Variants in FGF14 observed in about 807,000 individuals in gnomAD.
FGF14 encodes the protein fibroblast growth factor homologous factor 4.
Under a neutral mutation model 25.5 loss-of-function variants are expected in FGF14, and 5 were observed. The ratio of observed to expected loss-of-function variants is 0.20; its 90% CI spans 0.10 to 0.41. The LOEUF (loss-of-function observed/expected upper bound fraction) is 0.41, where lower values mean the gene tolerates loss of function less well. FGF14 is among the 10% of genes least tolerant of loss of function. The pLI, the probability that FGF14 is intolerant of heterozygous loss-of-function variation, is 1.00. For synonymous variants in FGF14, 138 were observed against 118.3 expected (o/e 1.17, Z -1.08); for missense variants, 222 against 320.1 (o/e 0.69, Z 2.34).
At chr13:102,278,332 A>C (rs1205556481) in intron 1 of FGF14, among the ~76,000 whole-genome samples, 2 of 152,304 alleles carry the variant, frequency 1.3e-5, no homozygotes, top group Non-Finnish European at 2.9e-5. Flanking sequence ...GTTGCCCTTC[A>C]CAGAGGAAGC....
chr13:102,020,916 C>T (rs1407768923), intron 1 of FGF14, among the ~76,000 whole-genome samples: 1 of 126,342 alleles, frequency 7.9e-6, no homozygotes, highest in Non-Finnish European at 1.6e-5. Context: ...TCGATGAACA[C>T]AGAGATAAAA....
chr13:102,059,655 G>A (rs1055704356), intron 1 of FGF14, among the ~76,000 whole-genome samples: 5 of 151,912 alleles, frequency 3.3e-5, no homozygotes, highest in African/African-American at 7.3e-5. Flanking sequence ...GTTCGAAACC[G>A]GCATGGCCAA....
chr13:101,740,838 C>T (rs375647340), intron 3 of FGF14, among the ~76,000 whole-genome samples: 2 of 151,634 alleles, frequency 1.3e-5, no homozygotes, highest in African/African-American at 4.8e-5. Context: ...TTTTTCAGTA[C>T]CAAATTACTT....
chr13:102,064,013 C>T (rs2042799310), intron 1 of FGF14, among the ~76,000 whole-genome samples: 1 of 152,024 alleles, frequency 6.6e-6, no homozygotes, highest in African/African-American at 2.4e-5. Flanking sequence ...TTTTAAAGTA[C>T]ACATTTAAAA....
chr13:101,831,272 T>C (rs190928290), intron 3 of FGF14, among the ~76,000 whole-genome samples: 5 of 150,218 alleles, frequency 3.3e-5, no homozygotes, highest in African/African-American at 1.2e-4. Context: ...ATTTATTTAT[T>C]TATTTATTTA....
chr13:101,739,582 G>T (rs1016060373), intron 3 of FGF14, among the ~76,000 whole-genome samples: 1 of 152,088 alleles, frequency 6.6e-6, no homozygotes, highest in African/African-American at 2.4e-5. Flanking sequence ...TTCCTGGAAA[G>T]GGTGATATAA....
At chr13:102,246,947 C>T (rs951965399) in intron 1 of FGF14, among the ~76,000 whole-genome samples, 1 of 151,952 alleles carries the variant, frequency 6.6e-6, no homozygotes, top group African/African-American at 2.4e-5. Context: ...ACTCCTACAA[C>T]CATCTGATCT....
chr13:101,940,495 G>C (rs7988219), intron 1 of FGF14, among the ~76,000 whole-genome samples: 36,847 of 152,130 alleles, frequency 0.24, 5,529 homozygotes, highest in Non-Finnish European at 0.33. Context: ...GCTTGTGCTC[G>C]CCTTGAGGCT....
At chr13:101,866,076 A>C (rs1018162026) in intron 3 of FGF14, among the ~76,000 whole-genome samples, 5 of 152,004 alleles carry the variant, frequency 3.3e-5, no homozygotes, top group Non-Finnish European at 7.4e-5. Context: ...AAATGTAATA[A>C]ATATAAAAAA....
At chr13:101,913,878 T>G (rs1448746398) in intron 1 of FGF14, among the ~76,000 whole-genome samples, 1 of 152,164 alleles carries the variant, frequency 6.6e-6, no homozygotes, top group Non-Finnish European at 1.5e-5. Context: ...TTATTATTTC[T>G]TATTAATTTG....
chr13:101,851,855 T>C (rs1193175211), intron 3 of FGF14, among the ~76,000 whole-genome samples: 3 of 152,116 alleles, frequency 2.0e-5, no homozygotes, highest in African/African-American at 7.2e-5. Context: ...AAATTGTTAG[T>C]TGCCTATGAA....
chr13:101,840,887 T>C, intron 3 of FGF14, among the ~76,000 whole-genome samples: 1 of 152,018 alleles, frequency 6.6e-6, no homozygotes, highest in Non-Finnish European at 1.5e-5. Context: ...TATGTCTACA[T>C]AAACTGGTAC....
At chr13:102,119,234 G>A (rs1252267109) in intron 1 of FGF14, among the ~76,000 whole-genome samples, 3 of 152,130 alleles carry the variant, frequency 2.0e-5, no homozygotes, top group African/African-American at 7.2e-5. Context: ...AAATAACACA[G>A]AGAAACAAAC....
intron 1 of FGF14, among the ~76,000 whole-genome samples, chr13:102,235,897 C>A (rs2051306760): frequency 6.6e-6 from 1 of 152,128 alleles, no homozygotes; most frequent in Admixed American, 6.5e-5. Flanking sequence ...ACCCAATAGA[C>A]CCAGGACTTG....
rs371664474 is a variant in FGF14 at position 102,389,495 on chromosome 13, G to GCATT, written c.208+11972_208+11975dup. ...AGATTTAAATGAGAATTTTCTCATG[G>GCATT]CATTACTGCACATCTTCTAACAGCT... On this transcript the variant is annotated intron_variant, in intron 1 of 4. Transcript: ENST00000376131. Among the ~76,000 whole-genome samples the GCATT allele has an allele frequency of 2.6e-4, 39 of 152,294 alleles. No individual in the cohort carries two copies. In the East Asian group the frequency reaches 7.1e-3, roughly 28 times the overall value.
chr13:101,856,966 G>A (rs4335654), intron 3 of FGF14, among the ~76,000 whole-genome samples: 1 of 151,722 alleles, frequency 6.6e-6, no homozygotes, highest in Non-Finnish European at 1.5e-5. Flanking sequence ...GGTCCATAGT[G>A]GAAAGGCAGA....
chr13:102,131,458 T>C (rs1407042143), intron 1 of FGF14, among the ~76,000 whole-genome samples: 1 of 152,170 alleles, frequency 6.6e-6, no homozygotes. Flanking sequence ...TCATGGTGCC[T>C]CCTCCATGAT....
intron 1 of FGF14, among the ~76,000 whole-genome samples, chr13:101,931,286 G>C (rs934408072): frequency 3.9e-5 from 6 of 152,168 alleles, no homozygotes; most frequent in Middle Eastern, 3.4e-3. Context: ...TGGCTTCCCA[G>C]CTCCTTCCAT....
intron 1 of FGF14, among the ~76,000 whole-genome samples, chr13:101,993,438 T>C (rs1051655718): frequency 7.9e-5 from 12 of 152,010 alleles, no homozygotes; most frequent in Admixed American, 3.9e-4. Context: ...TAAGTAAACA[T>C]AAAATATGTT....
Sources: gnomAD v4.1 joint callset for allele counts (sites outside exome capture counted in the v4.1 genomes callset) on GRCh38, gnomAD v4.1.1 for gene constraint, MANE v1.5 for transcripts, NCBI Gene and HGNC (gene_info 2026-07-23, HGNC 2026-07-21) for gene names.